The following ANKS1B variants were observed in gnomAD, a reference collection of about 807,000 sequenced individuals.
ANKS1B encodes the protein ankyrin repeat and sterile alpha motif domain-containing protein 1B.
In ANKS1B, 36 loss-of-function variants were observed where a neutral mutation model predicts 148.3. That is an observed-to-expected ratio of 0.24 (90% CI 0.19 to 0.32). The LOEUF (loss-of-function observed/expected upper bound fraction) is 0.32. Ranked by LOEUF, ANKS1B falls within the 10% of genes least tolerant of loss-of-function variation. The pLI is 1.00. For synonymous variants in ANKS1B, 542 were observed against 560.8 expected, an observed-to-expected ratio of 0.97 and a Z score of 0.47; for missense variants, 1,157 against 1,542.6, an observed-to-expected ratio of 0.75 and a Z score of 4.19.
chr12:99,214,637 C>G (rs999886008), intron 14 of ANKS1B, among the ~76,000 whole-genome samples: 2 of 152,130 alleles, frequency 1.3e-5, no homozygotes, highest in African/African-American at 4.8e-5. Context: ...TATAAATTAC[C>G]CAGTCTCATA....
At chr12:99,878,032 G>C (rs544348360) in intron 1 of ANKS1B, among the ~76,000 whole-genome samples, 1 of 152,144 alleles carries the variant, frequency 6.6e-6, no homozygotes, top group African/African-American at 2.4e-5. Flanking sequence ...TCCAGCCTGG[G>C]TGACAGAGTG....
chr12:99,682,851 T>C (rs1418245784), intron 8 of ANKS1B, among the ~76,000 whole-genome samples: 4 of 152,036 alleles, frequency 2.6e-5, no homozygotes, highest in Admixed American at 1.3e-4. Context: ...AACAAATCAA[T>C]AGATCATTAG....
intron 1 of ANKS1B, among the ~76,000 whole-genome samples, chr12:99,938,253 G>T (rs1397472025): frequency 1.3e-5 from 2 of 152,180 alleles, no homozygotes; most frequent in South Asian, 2.1e-4. Context: ...GCTGGCTCTG[G>T]ACTGATAGCC....
chr12:99,380,939 T>C (rs1159280330), intron 12 of ANKS1B, among the ~76,000 whole-genome samples: 1 of 151,992 alleles, frequency 6.6e-6, no homozygotes, highest in African/African-American at 2.4e-5. Context: ...CAAAACCAAT[T>C]AACAAAGGTG....
chr12:99,637,443 A>T (rs548739935), intron 9 of ANKS1B, among the ~76,000 whole-genome samples: 22 of 152,304 alleles, frequency 1.4e-4, no homozygotes, highest in African/African-American at 5.3e-4. Context: ...GGATTGAAGG[A>T]TGCAAAGTAT....
chr12:99,274,080 T>C (rs2153991370), intron 12 of ANKS1B, among the ~76,000 whole-genome samples: 1 of 152,232 alleles, frequency 6.6e-6, no homozygotes, highest in East Asian at 1.9e-4. Flanking sequence ...TCTTAGGTCT[T>C]CTGTCATCTG....
At chr12:98,990,977 T>C (rs1236912697) in intron 17 of ANKS1B, among the ~76,000 whole-genome samples, 3 of 152,186 alleles carry the variant, frequency 2.0e-5, no homozygotes, top group South Asian at 2.1e-4. Context: ...ACCGAGGTAT[T>C]TGAATAAGTG....
At chr12:99,251,473 G>A (rs1456310518) in intron 12 of ANKS1B, among the ~76,000 whole-genome samples, 1 of 152,142 alleles carries the variant, frequency 6.6e-6, no homozygotes, top group African/African-American at 2.4e-5. Flanking sequence ...AGATTAAACT[G>A]TTGTCATAAC....
intron 9 of ANKS1B, among the ~76,000 whole-genome samples, chr12:99,622,780 G>A (rs773202138): frequency 7.9e-5 from 12 of 151,858 alleles, no homozygotes; most frequent in Admixed American, 3.3e-4. Flanking sequence ...AAAAAGCCCT[G>A]GACCAGGTGG....
intron 12 of ANKS1B, among the ~76,000 whole-genome samples, chr12:99,258,531 A>G (rs2075556271): frequency 6.6e-6 from 1 of 151,668 alleles, no homozygotes; most frequent in Non-Finnish European, 1.5e-5. Flanking sequence ...CTTTAATAAT[A>G]TATACTGTCA....
At chr12:99,121,115 T>G (rs939191393) in intron 15 of ANKS1B, among the ~76,000 whole-genome samples, 2 of 151,852 alleles carry the variant, frequency 1.3e-5, no homozygotes, top group African/African-American at 4.8e-5. Flanking sequence ...TTTGGTCATA[T>G]GTATTGAGTC....
At chr12:99,319,447 T>A (rs182004783) in intron 12 of ANKS1B, among the ~76,000 whole-genome samples, 115 of 152,364 alleles carry the variant, frequency 7.5e-4, no homozygotes, top group African/African-American at 2.6e-3. Flanking sequence ...TCTCTTTTGA[T>A]CTTTGTTGGT....
At chr12:99,850,621 C>G (rs1232309202) in intron 1 of ANKS1B, among the ~76,000 whole-genome samples, 1 of 151,900 alleles carries the variant, frequency 6.6e-6, no homozygotes, top group Non-Finnish European at 1.5e-5. Flanking sequence ...TAGTTAGATG[C>G]ATTTTATAAT....
At chr12:99,131,127 C>A (rs1299285668) in intron 15 of ANKS1B, among the ~76,000 whole-genome samples, 3 of 152,174 alleles carry the variant, frequency 2.0e-5, no homozygotes, top group African/African-American at 7.2e-5. Flanking sequence ...TTGTTGCCTA[C>A]TCGTCTTTGC....
chr12:99,854,568 A>G (rs1030806470), intron 1 of ANKS1B, among the ~76,000 whole-genome samples: 5 of 152,214 alleles, frequency 3.3e-5, no homozygotes, highest in African/African-American at 1.2e-4. Flanking sequence ...ATTCATCGCA[A>G]AAAGATCATC....
At chr12:99,041,583 G>A (rs973238329) in intron 17 of ANKS1B, among the ~76,000 whole-genome samples, 1 of 151,918 alleles carries the variant, frequency 6.6e-6, no homozygotes, top group Non-Finnish European at 1.5e-5. Context: ...TTTCCCCCCG[G>A]TGAGCCCCCA....
At chr12:99,414,781 T>C (rs1048357292) in intron 11 of ANKS1B, among the ~76,000 whole-genome samples, 3 of 152,232 alleles carry the variant, frequency 2.0e-5, no homozygotes, top group African/African-American at 7.2e-5. Context: ...TGTATACCTA[T>C]GTAACAAACC....
At chr12:99,426,361 A>G (rs1473062219) in intron 11 of ANKS1B, among the ~76,000 whole-genome samples, 1 of 152,148 alleles carries the variant, frequency 6.6e-6, no homozygotes, top group East Asian at 1.9e-4. Flanking sequence ...GATATAAAAT[A>G]CTTTTGGATC....
At chr12:99,104,285 G>A (rs1297016467) in intron 15 of ANKS1B, among the ~76,000 whole-genome samples, 1 of 152,108 alleles carries the variant, frequency 6.6e-6, no homozygotes, top group Non-Finnish European at 1.5e-5. Flanking sequence ...GGGGAGTGAG[G>A]TTGTGGTGCA....
Sources: allele counts gnomAD v4.1 joint callset (sites outside exome capture counted in the v4.1 genomes callset), GRCh38; gene constraint gnomAD v4.1.1; transcripts MANE v1.5; gene names NCBI Gene and HGNC (gene_info 2026-07-23, HGNC 2026-07-21).